Variants in TUBGCP5 observed in about 807,000 individuals in gnomAD.
TUBGCP5 encodes the protein gamma-tubulin complex component 5.
A neutral mutation model predicts 134.7 loss-of-function variants in TUBGCP5; 98 were observed. The observed-to-expected ratio is 0.73, with a 90% CI of 0.62 to 0.86. TUBGCP5 has a LOEUF of 0.86. Ranked by LOEUF, TUBGCP5 falls within the 40% of genes least tolerant of loss-of-function variation. The pLI is 0.00. For synonymous variants in TUBGCP5, 456 were observed against 431.4 expected (o/e 1.06, Z -0.71); for missense variants, 1,150 against 1,244.8 (o/e 0.92, Z 1.15).
chr15:23,039,354 T>C (rs1249681304), intron 1 of TUBGCP5, 44 bp downstream of exon 1: 1 of 1,343,450 alleles, frequency 7.4e-7, no homozygotes, highest in Non-Finnish European at 9.7e-7. Flanking sequence ...ACGCGCGGGC[T>C]CCGGGCTGTG....
chr15:22,989,008 G>C (rs910442992), intron 23 of TUBGCP5, among the ~76,000 whole-genome samples: 1 of 151,988 alleles, frequency 6.6e-6, no homozygotes, highest in Non-Finnish European at 1.5e-5. Flanking sequence ...AAAGCCCTCA[G>C]CTGGCTCTGC....
At chr15:23,000,413 A>G in intron 22 of TUBGCP5, 156 bp downstream of exon 22, 2 of 1,411,354 alleles carry the variant, frequency 1.4e-6, no homozygotes, top group Non-Finnish European at 1.8e-6. Flanking sequence ...ATGCTTAAAA[A>G]GCAATTCAAA....
chr15:23,022,943 A>C (rs1240218223), intron 10 of TUBGCP5: 1 of 152,270 alleles, frequency 6.6e-6, no homozygotes, highest in South Asian at 2.1e-4. Context: ...GATGGCAAGA[A>C]GTGTGAGGAA....
chr15:22,993,389 C>T (rs951114780), intron 23 of TUBGCP5, among the ~76,000 whole-genome samples: 7 of 148,726 alleles, frequency 4.7e-5, no homozygotes, highest in Non-Finnish European at 7.4e-5. Context: ...TGAGCCACCG[C>T]GCCCAGCTGG....
At chr15:23,000,518 T>C in intron 22 of TUBGCP5, 51 bp downstream of exon 22, 2 of 1,596,502 alleles carry the variant, frequency 1.3e-6, no homozygotes, top group Non-Finnish European at 1.7e-6. Flanking sequence ...ACACATACAC[T>C]TAGTTACAAG....
chr15:22,997,666 G>A (rs2064154754), downstream of TUBGCP5, among the ~76,000 whole-genome samples: 1 of 151,244 alleles, frequency 6.6e-6, no homozygotes, highest in African/African-American at 2.4e-5. Flanking sequence ...GCCCAGGCTG[G>A]AGTGCAGTGG....
intron 19 of TUBGCP5, chr15:23,004,526 A>G (rs540423269): frequency 7.1e-6 from 2 of 281,112 alleles, no homozygotes; most frequent in Admixed American, 5.3e-5. Flanking sequence ...TAAGCTGTAT[A>G]TAAGACACAT....
At position 23,013,748 on chromosome 15, in the gene TUBGCP5, G is replaced by A. The variant is rs1052310315; in HGVS notation, c.1757-2417C>T. Among the ~76,000 whole-genome samples the A allele has an allele frequency of 3.9e-5, 6 of 152,162 alleles. No homozygotes were observed. The highest frequency in any genetic ancestry group is 7.2e-5 in the African/African-American group (3 of 41,432). ...GGAATTCACGCAGCTGCCTTGCCCC[G>A]GGTTAGGGGCACAAGGTGTGCCTTC... is the stretch of plus-strand genomic sequence containing the variant. On this transcript the variant is annotated intron_variant, in intron 13 of 22. Transcript: ENST00000615383. The surrounding 1 kb of genome is among the most constrained non-coding windows in gnomAD (Gnocchi z 4.5).
chr15:22,992,617 G>A (rs1179248549), intron 23 of TUBGCP5, among the ~76,000 whole-genome samples: 2 of 152,160 alleles, frequency 1.3e-5, no homozygotes, highest in East Asian at 3.8e-4. Context: ...ATGGCTCTGG[G>A]ACCAGGGTTT....
intron 1 of TUBGCP5, among the ~76,000 whole-genome samples, chr15:23,038,787 G>GT (rs1170026828): frequency 1.3e-5 from 2 of 152,218 alleles, no homozygotes; most frequent in Admixed American, 6.5e-5. Context: ...TCTAAATTCT[G>GT]TAAGTCTTTA....
At chr15:22,999,081 C>G (rs886928369), downstream of TUBGCP5, 4 of 152,114 alleles carry the variant, frequency 2.6e-5, no homozygotes, top group African/African-American at 9.7e-5. Context: ...ATTTCTAGGA[C>G]AGCTACATCT....
intron 11 of TUBGCP5, among the ~76,000 whole-genome samples, chr15:23,020,510 T>C (rs905157016): frequency 2.2e-5 from 3 of 136,688 alleles, no homozygotes; most frequent in African/African-American, 8.4e-5. Flanking sequence ...CACTTGAACC[T>C]GGGAGGTGGA....
chr15:23,020,050 G>A (rs1223952431), intron 11 of TUBGCP5, among the ~76,000 whole-genome samples: 1 of 151,778 alleles, frequency 6.6e-6, no homozygotes, highest in East Asian at 1.9e-4. Context: ...AGGCTGAGGT[G>A]GGCAGATCAC....
chr15:23,021,312 T>G (rs1417848107), intron 11 of TUBGCP5, among the ~76,000 whole-genome samples: 2 of 152,056 alleles, frequency 1.3e-5, no homozygotes, highest in Non-Finnish European at 2.9e-5. Context: ...ATATATAACA[T>G]AAAATTTATC....
At chr15:23,000,735 T>A in intron 21 of TUBGCP5, 66 bp from the exon 22 acceptor site, 1 of 1,164,420 alleles carries the variant, frequency 8.6e-7, no homozygotes, top group Non-Finnish European at 1.2e-6. Flanking sequence ...CTTCAAGATA[T>A]CTGTGGAGTA....
chr15:23,004,301 T>C, intron 19 of TUBGCP5, 74 bp from the exon 20 acceptor site: 1 of 1,539,874 alleles, frequency 6.5e-7, no homozygotes, highest in Non-Finnish European at 8.8e-7. Flanking sequence ...AAATCTTTTT[T>C]ACTAAGCTCT....
At chr15:23,009,419 GCACCA>G (rs2064908752) in intron 15 of TUBGCP5, among the ~76,000 whole-genome samples, 1 of 151,752 alleles carries the variant, frequency 6.6e-6, no homozygotes. Context: ...CAGGCGCCCG[GCACCA>G]CGCCCGGCGA....
chr15:22,997,174 T>C (rs1387307462), downstream of TUBGCP5, among the ~76,000 whole-genome samples: 1 of 151,858 alleles, frequency 6.6e-6, no homozygotes, highest in African/African-American at 2.4e-5. Flanking sequence ...AATTCACCAA[T>C]AATTCCTTTT....
At chr15:23,001,849 C>A (rs989398919) in intron 21 of TUBGCP5, among the ~76,000 whole-genome samples, 3 of 152,052 alleles carry the variant, frequency 2.0e-5, no homozygotes, top group Admixed American at 2.0e-4. Flanking sequence ...TAAATGTATA[C>A]TTTAAAGATA....
Sources: gnomAD v4.1 joint callset for allele counts (sites outside exome capture counted in the v4.1 genomes callset) on GRCh38, gnomAD v4.1.1 for gene constraint, Gnocchi (gnomAD v3.1) non-coding constraint, MANE v1.5 for transcripts, NCBI Gene and HGNC (gene_info 2026-07-23, HGNC 2026-07-21) for gene names.